Variants in KCNH8 observed in about 807,000 individuals in gnomAD.
The protein encoded by KCNH8 is potassium voltage-gated channel subfamily H member 8, also known as voltage-gated delayed rectifier potassium channel KCNH8.
In KCNH8, 70 loss-of-function variants were observed where a neutral mutation model predicts 103.6. The observed-to-expected ratio is 0.68, with a 90% CI of 0.56 to 0.82. The LOEUF (loss-of-function observed/expected upper bound fraction) is 0.82. KCNH8 is among the 40% of genes least tolerant of loss of function. The pLI, the probability that KCNH8 is intolerant of heterozygous loss-of-function variation, is 0.00. For synonymous variants in KCNH8, 498 were observed against 489.4 expected (o/e 1.02, Z -0.23); for missense variants, 1,217 against 1,329.9 (o/e 0.92, Z 1.32).
chr3:19,479,889 C>A lies in KCNH8; in HGVS notation c.2040+22907C>A, dbSNP rs538777925. Among the ~76,000 whole-genome samples, 3 of 152,276 alleles carry A rather than the reference C, an allele frequency of 2.0e-5. No homozygotes were observed. In the South Asian group the frequency reaches 6.2e-4, roughly 32 times the overall value. On this transcript the variant is annotated intron_variant, in intron 11 of 15. Transcript: ENST00000328405. ...TGATCTCTTTCTCTGAATGGGAACACATGTTCCTCCAATCTGCTTTGTGAC... is the reference window on the plus strand; with the variant it reads ...TGATCTCTTTCTCTGAATGGGAACAAATGTTCCTCCAATCTGCTTTGTGAC...
chr3:19,310,113 T>TA (rs1393356407), intron 3 of KCNH8, among the ~76,000 whole-genome samples: 3 of 151,970 alleles, frequency 2.0e-5, no homozygotes, highest in Non-Finnish European at 4.4e-5. Flanking sequence ...ATATAGTAGT[T>TA]ACGTCTATTT....
chr3:19,389,006 G>T (rs550595062), intron 5 of KCNH8, among the ~76,000 whole-genome samples: 4 of 152,140 alleles, frequency 2.6e-5, no homozygotes, highest in Non-Finnish European at 5.9e-5. Flanking sequence ...ACTTAGAACT[G>T]TACTGGGCTC....
intron 7 of KCNH8, among the ~76,000 whole-genome samples, chr3:19,429,813 TGCA>T (rs1440729726): frequency 1.3e-5 from 2 of 152,072 alleles, no homozygotes; most frequent in Non-Finnish European, 2.9e-5. Flanking sequence ...TGTGAGAACA[TGCA>T]GCATTTGGTT....
At chr3:19,470,779 G>T (rs1054367070) in intron 11 of KCNH8, among the ~76,000 whole-genome samples, 6 of 152,100 alleles carry the variant, frequency 3.9e-5, no homozygotes, top group African/African-American at 1.4e-4. Context: ...TTTGTGCTGT[G>T]GCATTATAGT....
rs374092441 is a variant in KCNH8, at chr3:19,533,704, G to A, written c.2929G>A (p.Glu977Lys). The A allele has an allele frequency of 9.3e-6, 15 of 1,614,192 alleles. No homozygotes were observed. In the African/African-American group the frequency reaches 2.0e-4, roughly 22 times the overall value. ...GSSPQRTGAH[E>K]QNPADSELYH... The stretch of plus-strand genomic sequence containing the variant: ...CAGCCCCCAACGAACTGGAGCTCAT[G>A]AGCAAAATCCTGCAGACAGTGAACT... The change falls in exon 16 of 16, where the codon GAG (glutamate) becomes AAG (lysine). Residue 977 changes from glutamate to lysine, a missense_variant. By Grantham distance (56) the Glu-to-Lys change is moderately conservative. Coordinates refer to ENST00000328405, the MANE Select transcript of KCNH8 (RefSeq NM_144633.3).
chr3:19,443,720 A>G (rs917539166), intron 8 of KCNH8, among the ~76,000 whole-genome samples: 18 of 152,008 alleles, frequency 1.2e-4, no homozygotes, highest in Admixed American at 1.2e-3. Flanking sequence ...AATAATGTTT[A>G]TGGACACAAG....
intron 3 of KCNH8, among the ~76,000 whole-genome samples, chr3:19,341,899 C>T (rs2065664320): frequency 6.6e-6 from 1 of 152,072 alleles, no homozygotes; most frequent in Non-Finnish European, 1.5e-5. Context: ...TTACAATGTA[C>T]ATACCACTGC....
At chr3:19,293,692 AAAC>A (rs1247173630) in intron 3 of KCNH8, among the ~76,000 whole-genome samples, 47 of 152,226 alleles carry the variant, frequency 3.1e-4, no homozygotes, top group African/African-American at 1.1e-3. Context: ...TGCCTATCTG[AAAC>A]AACATTACTA....
At chr3:19,321,746 C>T (rs2065353145) in intron 3 of KCNH8, among the ~76,000 whole-genome samples, 1 of 151,630 alleles carries the variant, frequency 6.6e-6, no homozygotes, top group Non-Finnish European at 1.5e-5. Flanking sequence ...GACTTTCTGT[C>T]CTGATGACCT....
intron 11 of KCNH8, 38 bp downstream of exon 11, chr3:19,457,020 C>T: frequency 7.2e-7 from 1 of 1,388,762 alleles, no homozygotes. Flanking sequence ...GACCTAATAA[C>T]ATTGGGCCTG....
At chr3:19,439,372 T>G (rs2067245045) in intron 8 of KCNH8, among the ~76,000 whole-genome samples, 1 of 152,206 alleles carries the variant, frequency 6.6e-6, no homozygotes, top group South Asian at 2.1e-4. Flanking sequence ...AAGAGACAGC[T>G]ATGATTCATA....
intron 11 of KCNH8, among the ~76,000 whole-genome samples, chr3:19,486,099 G>T (rs1336180288): frequency 1.3e-5 from 2 of 152,174 alleles, no homozygotes; most frequent in African/African-American, 4.8e-5. Context: ...CACATATCCT[G>T]CACATCTTTC....
At chr3:19,352,772 G>A (rs572154971) in intron 5 of KCNH8, among the ~76,000 whole-genome samples, 1 of 152,138 alleles carries the variant, frequency 6.6e-6, no homozygotes, top group Non-Finnish European at 1.5e-5. Flanking sequence ...ATGCCCACAA[G>A]AGAAAGCAGG....
At position 19,325,557 on chromosome 3, in the gene KCNH8, A is replaced by G. The variant is rs552877713; in HGVS notation, c.443-17030A>G. Among the ~76,000 whole-genome samples the G allele has an allele frequency of 3.9e-5, 6 of 152,362 alleles. No individual in the cohort carries two copies. In the East Asian group the frequency reaches 1.2e-3, roughly 29 times the overall value. On this transcript the variant is annotated intron_variant, in intron 3 of 15. Coordinates refer to ENST00000328405, the MANE Select transcript of KCNH8 (RefSeq NM_144633.3). ...GAACAGACACTTCTCAAAAGAAGAC[A>G]TACATGTTGCCAACAGTCATGAATA...
chr3:19,294,968 A>G (rs2064976769), intron 3 of KCNH8, among the ~76,000 whole-genome samples: 1 of 152,178 alleles, frequency 6.6e-6, no homozygotes, highest in Admixed American at 6.5e-5. Context: ...CTTATTTTTT[A>G]TACAATATAT....
intron 11 of KCNH8, among the ~76,000 whole-genome samples, chr3:19,484,601 A>G (rs939730512): frequency 6.6e-6 from 1 of 152,044 alleles, no homozygotes; most frequent in African/African-American, 2.4e-5. Flanking sequence ...TAGGTTTCAC[A>G]TGGCTGTTGT....
chr3:19,318,662 T>TGTGTGTACAC (rs1491117852), intron 3 of KCNH8, among the ~76,000 whole-genome samples: 5 of 142,522 alleles, frequency 3.5e-5, no homozygotes, highest in African/African-American at 1.3e-4. Context: ...TGTGTGTGTG[T>TGTGTGTACAC]ACACACACAC....
Position 19,400,231 on chromosome 3 carries a change from C to CAAAAAAAAAAAAAAAAAAAAAAAAAAAA in KCNH8, c.1177+4944_1177+4945insAAAAAAAAAAAAAAAAAAAAAAAAAAAA, listed in dbSNP as rs11422314. ...CCCTACCAGATACGATGTTAGCCAG[C>CAAAAAAAAAAAAAAAAAAAAAAAAAAAA]AAAAAAAAAAAAAAAAAAAAAAAAG... is the stretch of plus-strand genomic sequence containing the variant. On this transcript the variant is annotated intron_variant, in intron 7 of 15. Transcript: ENST00000328405. Among the ~76,000 whole-genome samples, 2 of 53,108 alleles carry CAAAAAAAAAAAAAAAAAAAAAAAAAAAA rather than the reference C, an allele frequency of 3.8e-5. 1 individual carries two copies. The highest frequency in any genetic ancestry group is 6.6e-5 in the Non-Finnish European group (2 of 30,178). 34.8% of individuals were successfully genotyped at this position (53,108 alleles called of 152,430 possible).
At chr3:19,499,199 GATGAAATGA>G (rs1559358684) in intron 11 of KCNH8, among the ~76,000 whole-genome samples, 1 of 152,148 alleles carries the variant, frequency 6.6e-6, no homozygotes, top group Non-Finnish European at 1.5e-5. Flanking sequence ...AGCGATAGAA[GATGAAATGA>G]ATGAAATGAA....
Sources: allele counts gnomAD v4.1 joint callset (sites outside exome capture counted in the v4.1 genomes callset), GRCh38; gene constraint gnomAD v4.1.1; transcripts MANE v1.5; gene names NCBI Gene and HGNC (gene_info 2026-07-23, HGNC 2026-07-21).